Variants in DNAH3 observed in about 807,000 individuals in gnomAD.
DNAH3 encodes the protein dynein axonemal heavy chain 3.
In DNAH3, 332 loss-of-function variants were observed where a neutral mutation model predicts 432.5. That is an observed-to-expected ratio of 0.77 (90% CI 0.70 to 0.84). The LOEUF is 0.84. Ranked by LOEUF, DNAH3 falls within the 40% of genes least tolerant of loss-of-function variation. The pLI is 0.00. For missense variants in DNAH3, 4,861 were observed against 5,114.0 expected (o/e 0.95, Z 1.51); for synonymous variants, 1,956 against 1,900.2 (o/e 1.03, Z -0.76).
At chr16:20,980,260 T>TTATACATCATATATTATAATATACATCA (rs1555517020) in intron 49 of DNAH3, among the ~76,000 whole-genome samples, 1 of 129,028 alleles carries the variant, frequency 7.8e-6, no homozygotes, top group Non-Finnish European at 1.7e-5. Flanking sequence ...ACATCATATA[T>TTATACATCATATATTATAATATACATCA]TATATTATAA....
chr16:20,988,017 T>A (rs761290248), exon 45 of DNAH3: 3 of 1,614,124 alleles, frequency 1.9e-6, no homozygotes, highest in East Asian at 4.5e-5. Flanking sequence ...TAAAATGTCA[T>A]CCTCAAAGGC....
intron 11 of DNAH3, 140 bp from the exon 12 acceptor site, chr16:21,117,479 A>G (rs1213921519): frequency 4.6e-6 from 3 of 655,808 alleles, no homozygotes; most frequent in Non-Finnish European, 5.4e-6. Context: ...TAGTGCTGGA[A>G]TCACCCTGCT....
intron 7 of DNAH3, among the ~76,000 whole-genome samples, chr16:21,129,062 A>G (rs2092502924): frequency 6.6e-6 from 1 of 151,932 alleles, no homozygotes; most frequent in Non-Finnish European, 1.5e-5. Context: ...TTCAGAGTAA[A>G]AGCGTGCCTA....
intron 42 of DNAH3, 131 bp from the exon 43 acceptor site, chr16:21,000,649 C>T (rs760210713): frequency 1.8e-5 from 13 of 740,940 alleles, no homozygotes; most frequent in Non-Finnish European, 2.8e-5. Flanking sequence ...GAGTCTTTAA[C>T]CTCTCCATGG....
exon 53 of DNAH3, chr16:20,965,306 G>A (rs544228596): frequency 6.8e-6 from 11 of 1,612,792 alleles, no homozygotes; most frequent in South Asian, 3.3e-5. Flanking sequence ...AACCTTTCCC[G>A]GATCCGCTTC....
At chr16:21,033,859 C>T (rs2089020442) in intron 36 of DNAH3, 115 bp downstream of exon 36, 1 of 654,208 alleles carries the variant, frequency 1.5e-6, no homozygotes, top group African/African-American at 1.8e-5. Flanking sequence ...CTATTTCTAG[C>T]TCTGACGTCA....
At chr16:20,998,240 G>T (rs1180950063) in intron 43 of DNAH3, among the ~76,000 whole-genome samples, 2 of 152,028 alleles carry the variant, frequency 1.3e-5, no homozygotes, top group African/African-American at 4.8e-5. Context: ...GCCTTGAGCT[G>T]GAGTTTTTTG....
chr16:20,988,099 G>GA (rs1342979647), intron 44 of DNAH3, 34 bp from the exon 45 acceptor site: 4 of 1,611,748 alleles, frequency 2.5e-6, no homozygotes, highest in Non-Finnish European at 3.4e-6. Context: ...AATCATCCTG[G>GA]AAAACACATA....
chr16:20,935,225 A>G (rs1254987329), intron 61 of DNAH3, 123 bp downstream of exon 61: 1 of 1,133,670 alleles, frequency 8.8e-7, no homozygotes, highest in African/African-American at 1.6e-5. Flanking sequence ...TAAATGCTTC[A>G]TATGTACCAT....
At chr16:20,999,686 T>G (rs74663865) in intron 43 of DNAH3, among the ~76,000 whole-genome samples, 3,803 of 152,154 alleles carry the variant, frequency 0.025, 175 homozygotes, top group African/African-American at 0.087. Context: ...AAAATGACAA[T>G]GATGGTTAAT....
At chr16:21,085,442 A>G (rs2091332703) in intron 19 of DNAH3, among the ~76,000 whole-genome samples, 1 of 149,462 alleles carries the variant, frequency 6.7e-6, no homozygotes, top group Non-Finnish European at 1.5e-5. Context: ...TACTCAGGAG[A>G]CTGAGGCAGG....
chr16:21,070,789 A>C, exon 22 of DNAH3: 1 of 1,613,110 alleles, frequency 6.2e-7, no homozygotes, highest in Non-Finnish European at 8.5e-7. Flanking sequence ...ATCAAGTAGC[A>C]TTTGAATGTC....
At chr16:21,157,567 T>A (rs1261271803) in intron 1 of DNAH3, among the ~76,000 whole-genome samples, 3 of 152,060 alleles carry the variant, frequency 2.0e-5, no homozygotes, top group Non-Finnish European at 4.4e-5. Flanking sequence ...TGGCCTCAAG[T>A]GATCTGCCCA....
rs202011375 is a variant in DNAH3 at position 21,054,420 on chromosome 16, C to T, written c.4039G>A (p.Ala1347Thr). 49 of 1,612,546 alleles carry T rather than the reference C, an allele frequency of 3.0e-5. 2 individuals are homozygous for T. In the South Asian group the frequency reaches 4.7e-4, roughly 16 times the overall value. The change falls in exon 28 of 62, where the codon GCC (alanine) becomes ACC (threonine). Residue 1347 changes from alanine to threonine, a missense_variant and splice_region_variant. Transcript: ENST00000261383. ...TGACAGGGGAAGCCCCCTGGCTTAC[C>T]GTGGACATCGATGACCGTGAGGGCC...
intron 3 of DNAH3, among the ~76,000 whole-genome samples, chr16:21,144,123 A>G (rs1318539543): frequency 6.6e-6 from 1 of 152,166 alleles, no homozygotes; most frequent in African/African-American, 2.4e-5. Context: ...AAATTAATAC[A>G]TACAAGGTGC....
rs763872755 is a variant in DNAH3 at position 21,069,400 on chromosome 16, G to C, written c.3381+15C>G. On this transcript the variant is annotated intron_variant, in intron 23 of 61. Coordinates refer to ENST00000261383, the Ensembl canonical transcript of DNAH3. ...TATTTCTGCTGGTAAGAGTTATTAG[G>C]GTATAAAAACTTACCGCTTGGGACA... 1 of 1,605,596 alleles carries C rather than the reference G, an allele frequency of 6.2e-7. No homozygotes were observed. Among genetic ancestry groups the C allele is most frequent in the Admixed American group, 1.7e-5 (1 of 58,784 alleles).
At chr16:21,108,939 T>C (rs950994202) in intron 14 of DNAH3, among the ~76,000 whole-genome samples, 29 of 152,006 alleles carry the variant, frequency 1.9e-4, no homozygotes, top group African/African-American at 6.0e-4. Context: ...CTGACCAGCA[T>C]GGTGAAACCC....
At chr16:21,018,198 T>C (rs1428900353) in intron 41 of DNAH3, among the ~76,000 whole-genome samples, 1 of 152,224 alleles carries the variant, frequency 6.6e-6, no homozygotes, top group African/African-American at 2.4e-5. Context: ...CAGGTCACTC[T>C]TAAGATATGC....
At chr16:21,034,240 T>A (rs1345521590) in intron 35 of DNAH3, among the ~76,000 whole-genome samples, 155 bp from the exon 36 acceptor site, 1 of 152,206 alleles carries the variant, frequency 6.6e-6, no homozygotes, top group Non-Finnish European at 1.5e-5. Flanking sequence ...GGTCTATTGT[T>A]TACATATCTT....
Sources: gnomAD v4.1 joint callset for allele counts (sites outside exome capture counted in the v4.1 genomes callset) on GRCh38, gnomAD v4.1.1 for gene constraint, MANE v1.5 for transcripts, NCBI Gene and HGNC (gene_info 2026-07-23, HGNC 2026-07-21) for gene names.